CPQ: variants seen among roughly 807,000 people sequenced by gnomAD.
CPQ encodes the protein carboxypeptidase Q.
In CPQ, 37 loss-of-function variants were observed where a neutral mutation model predicts 45.7. The observed-to-expected ratio is 0.81, with a 90% CI of 0.62 to 1.07. The LOEUF (loss-of-function observed/expected upper bound fraction) is 1.07. Among genes scored for constraint, CPQ ranks in the 50% least tolerant of loss-of-function variants. The pLI is 0.00. For missense variants in CPQ, 537 were observed against 572.9 expected (o/e 0.94, Z 0.64); for synonymous variants, 186 against 205.8 (o/e 0.90, Z 0.82).
At chr8:96,688,338 A>G (rs778991769) in intron 1 of CPQ, among the ~76,000 whole-genome samples, 10 of 151,256 alleles carry the variant, frequency 6.6e-5, no homozygotes, top group Non-Finnish European at 1.3e-4. Flanking sequence ...TTACTTATTG[A>G]TTTGTCGTAT....
intron 5 of CPQ, among the ~76,000 whole-genome samples, chr8:97,026,519 C>T (rs1809801290): frequency 6.6e-6 from 1 of 152,128 alleles, no homozygotes; most frequent in African/African-American, 2.4e-5. Context: ...TGAATGAAAC[C>T]TCACGCATTT....
At chr8:96,801,078 C>A (rs1811002097) in intron 2 of CPQ, among the ~76,000 whole-genome samples, 2 of 151,656 alleles carry the variant, frequency 1.3e-5, no homozygotes, top group Non-Finnish European at 2.9e-5. Context: ...TGGGTTAAAC[C>A]AATTCTCATG....
rs372477364 is a variant in CPQ at position 96,806,307 on chromosome 8, T to TA, written c.433+20983dup. Among the ~76,000 whole-genome samples the TA allele has an allele frequency of 2.3e-3, 347 of 152,284 alleles. 4 individuals carry two copies. The highest frequency in any genetic ancestry group is 8.2e-3 in the African/African-American group (339 of 41,550). ...TACCTTTAACATAAAAGTTCGGCTCTAAAAAATGTTTGGCAAAGCAGAAAC... is the reference window on the plus strand; with the variant it reads ...TACCTTTAACATAAAAGTTCGGCTCTAAAAAAATGTTTGGCAAAGCAGAAAC... On this transcript the variant is annotated intron_variant, in intron 2 of 7. Transcript: ENST00000220763.
chr8:97,051,658 G>A (rs1223492842), intron 6 of CPQ, among the ~76,000 whole-genome samples: 1 of 152,078 alleles, frequency 6.6e-6, no homozygotes, highest in African/African-American at 2.4e-5. Flanking sequence ...AACCCCCAAG[G>A]GACCCCGATT....
At chr8:96,874,699 C>A (rs1415635728) in intron 3 of CPQ, among the ~76,000 whole-genome samples, 1 of 151,794 alleles carries the variant, frequency 6.6e-6, no homozygotes, top group Non-Finnish European at 1.5e-5. Context: ...GTAATTTCAT[C>A]ATATGGCTAT....
intron 4 of CPQ, among the ~76,000 whole-genome samples, chr8:96,918,564 G>A (rs1563528748): frequency 6.6e-6 from 1 of 151,984 alleles, no homozygotes; most frequent in Non-Finnish European, 1.5e-5. Flanking sequence ...TGTTTACTCA[G>A]GCTGCTTCAT....
In CPQ at chr8:96,667,585, G is replaced by A. The variant is rs943921714; in HGVS notation, c.-35+22183G>A. 4.0e-5 allele frequency among the ~76,000 whole-genome samples: 6 copies of A among 151,860 alleles called. No homozygotes were observed. The East Asian group carries it at 9.7e-4, about 24-fold the overall frequency. ...AGGCTGATCTCAAACTCCTGACCTC[G>A]TGATCTGCCCGCCTCGGCTTCCCAA... On this transcript the variant is annotated intron_variant, in intron 1 of 7. Transcript: ENST00000220763.
At chr8:96,745,078 C>T (rs1034557827) in intron 1 of CPQ, among the ~76,000 whole-genome samples, 9 of 152,090 alleles carry the variant, frequency 5.9e-5, no homozygotes, top group Non-Finnish European at 1.0e-4. Flanking sequence ...GGGAAGCCAA[C>T]GTGGGTAGAT....
chr8:96,756,316 C>T (rs374446319), intron 1 of CPQ, among the ~76,000 whole-genome samples: 11 of 151,970 alleles, frequency 7.2e-5, no homozygotes, highest in East Asian at 5.8e-4. Flanking sequence ...GAATGAATTT[C>T]CCAATTTAGC....
chr8:97,141,863 T>A (rs1185657883), intron 7 of CPQ, among the ~76,000 whole-genome samples: 1 of 152,188 alleles, frequency 6.6e-6, no homozygotes, highest in Non-Finnish European at 1.5e-5. Context: ...TAAAGAAATA[T>A]ATCTGGAGGA....
At chr8:96,921,415 G>T (rs1022985170) in intron 4 of CPQ, among the ~76,000 whole-genome samples, 2 of 152,128 alleles carry the variant, frequency 1.3e-5, no homozygotes, top group East Asian at 3.9e-4. Context: ...TCAATTTTCT[G>T]TCATTGTTCC....
At chr8:96,654,142 G>A (rs547884995) in intron 1 of CPQ, among the ~76,000 whole-genome samples, 1 of 152,262 alleles carries the variant, frequency 6.6e-6, no homozygotes, top group South Asian at 2.1e-4. Flanking sequence ...ATCATCATAA[G>A]GCACTGGTTC....
intron 1 of CPQ, among the ~76,000 whole-genome samples, chr8:96,685,229 T>A (rs1174027486): frequency 6.6e-6 from 1 of 152,214 alleles, no homozygotes; most frequent in Admixed American, 6.5e-5. Flanking sequence ...TGAAATACTT[T>A]TTATTTCTAT....
intron 2 of CPQ, among the ~76,000 whole-genome samples, chr8:96,808,930 G>A (rs1241411475): frequency 6.6e-6 from 1 of 152,176 alleles, no homozygotes; most frequent in Non-Finnish European, 1.5e-5. Context: ...GTTGTGCCTG[G>A]TGAATGTCAA....
At position 96,954,771 on chromosome 8, in the gene CPQ, G is replaced by A. The variant is rs1370921852; in HGVS notation, c.850-11164G>A. On this transcript the variant is annotated intron_variant, in intron 4 of 7. Transcript: ENST00000220763. ...CTCCCCCAACCCCACAACAGGCCCC[G>A]GTGTGTGATGTTCCCCTTCCTGTGT... Among the ~76,000 whole-genome samples, 5 of 151,414 alleles carry A rather than the reference G, an allele frequency of 3.3e-5. No homozygotes were observed. In the East Asian group the frequency reaches 5.9e-4, roughly 18 times the overall value.
chr8:96,804,635 A>C (rs934380038), intron 2 of CPQ, among the ~76,000 whole-genome samples: 7 of 152,050 alleles, frequency 4.6e-5, no homozygotes, highest in African/African-American at 1.7e-4. Flanking sequence ...TCACATAGGC[A>C]TCAATGAAAT....
At chr8:96,891,196 A>T (rs1812370159) in intron 4 of CPQ, among the ~76,000 whole-genome samples, 1 of 152,224 alleles carries the variant, frequency 6.6e-6, no homozygotes, top group Non-Finnish European at 1.5e-5. Context: ...ATGACGGTGG[A>T]TAAGACATTC....
At chr8:96,719,277 T>C (rs989955728) in intron 1 of CPQ, among the ~76,000 whole-genome samples, 14 of 152,182 alleles carry the variant, frequency 9.2e-5, no homozygotes, top group African/African-American at 2.7e-4. Flanking sequence ...GCAGCGCTGG[T>C]GGGCTGGCAC....
chr8:96,740,258 CTGTT>C (rs1368289025), intron 1 of CPQ, among the ~76,000 whole-genome samples: 2 of 152,220 alleles, frequency 1.3e-5, no homozygotes, highest in East Asian at 1.9e-4. Context: ...ATTTGGCTCT[CTGTT>C]TGTCTGTTGT....
Sources: allele counts gnomAD v4.1 joint callset (sites outside exome capture counted in the v4.1 genomes callset), GRCh38; gene constraint gnomAD v4.1.1; transcripts MANE v1.5; gene names NCBI Gene and HGNC (gene_info 2026-07-23, HGNC 2026-07-21).